RGPD2: variants seen among roughly 807,000 people sequenced by gnomAD.
The protein encoded by RGPD2 is RANBP2 like and GRIP domain containing 2.
A neutral mutation model predicts 36.0 loss-of-function variants in RGPD2; 2 were observed. The ratio of observed to expected loss-of-function variants is 0.06; its 90% CI spans 0.02 to 0.17. RGPD2 has a LOEUF of 0.17. Ranked by LOEUF, RGPD2 falls within the 10% of genes least tolerant of loss-of-function variation. The pLI, the probability that RGPD2 is intolerant of heterozygous loss-of-function variation, is 1.00. For missense variants in RGPD2, 40 were observed against 464.3 expected, an observed-to-expected ratio of 0.09 and a Z score of 8.40; for synonymous variants, 19 against 163.8, an observed-to-expected ratio of 0.12 and a Z score of 6.75.
At chr2:87,882,463 T>C in the RGPD2 span, among the ~76,000 whole-genome samples, 3 of 152,378 alleles carry the variant, frequency 2.0e-5, no homozygotes, top group East Asian at 5.8e-4. Context: ...AACGTGTCTA[T>C]TTTTAGGCCA....
the RGPD2 span, among the ~76,000 whole-genome samples, chr2:87,881,265 C>G: frequency 1.3e-5 from 2 of 151,974 alleles, no homozygotes; most frequent in African/African-American, 2.4e-5. Context: ...ATCTACCACT[C>G]TGGGGGCCTG....
the RGPD2 span, among the ~76,000 whole-genome samples, chr2:87,961,762 G>A: frequency 1.4e-5 from 2 of 147,966 alleles, no homozygotes; most frequent in African/African-American, 2.5e-5. Context: ...AACACTTAGA[G>A]GAAAAGTCAG....
chr2:87,847,139 C>T, the RGPD2 span, among the ~76,000 whole-genome samples: 83 of 152,186 alleles, frequency 5.5e-4, no homozygotes, highest in Non-Finnish European at 9.0e-4. Flanking sequence ...TCCAGATTAC[C>T]ATTGATTTTA....
At chr2:87,911,599 A>T in the RGPD2 span, among the ~76,000 whole-genome samples, 9 of 151,900 alleles carry the variant, frequency 5.9e-5, no homozygotes, top group African/African-American at 2.2e-4. Context: ...TGTACTATTG[A>T]TTAGGAAATA....
chr2:87,905,166 C>T, the RGPD2 span, among the ~76,000 whole-genome samples: 2 of 152,138 alleles, frequency 1.3e-5, no homozygotes, highest in African/African-American at 4.8e-5. Flanking sequence ...TGAACTTCAG[C>T]AACATATATC....
At chr2:87,885,176 T>A in the RGPD2 span, among the ~76,000 whole-genome samples, 93 of 152,176 alleles carry the variant, frequency 6.1e-4, no homozygotes, top group African/African-American at 2.2e-3. Flanking sequence ...GATTTATCCC[T>A]GGGATGCAAG....
chr2:87,839,851 C>G, the RGPD2 span, among the ~76,000 whole-genome samples: 2 of 151,580 alleles, frequency 1.3e-5, no homozygotes, highest in Non-Finnish European at 1.5e-5. Flanking sequence ...ATAAAATGAT[C>G]TATACACCAA....
chr2:87,858,149 G>A, the RGPD2 span, among the ~76,000 whole-genome samples: 103 of 152,200 alleles, frequency 6.8e-4, no homozygotes, highest in South Asian at 1.2e-3. Flanking sequence ...ATGGTGGTGC[G>A]TGCCTGTAAT....
chr2:87,936,377 T>C, the RGPD2 span, among the ~76,000 whole-genome samples: 1 of 145,660 alleles, frequency 6.9e-6, no homozygotes, highest in Admixed American at 6.9e-5. Flanking sequence ...TTCTTAGAGA[T>C]TCCCAGTGTG....
chr2:87,967,298 C>T, the RGPD2 span, among the ~76,000 whole-genome samples: 6 of 148,492 alleles, frequency 4.0e-5, no homozygotes, highest in Non-Finnish European at 5.9e-5. Flanking sequence ...GTCCTAGCTA[C>T]GTGGGAGGCT....
the RGPD2 span, among the ~76,000 whole-genome samples, chr2:87,959,427 A>G: frequency 2.1e-5 from 1 of 46,544 alleles, no homozygotes; most frequent in Middle Eastern, 5.2e-3. Context: ...TGTCAGGACC[A>G]TTTGTAGTTG....
the RGPD2 span, among the ~76,000 whole-genome samples, chr2:87,906,840 G>A: frequency 1.4e-4 from 21 of 147,796 alleles, no homozygotes; most frequent in South Asian, 4.2e-3. Context: ...GAGCACCTGA[G>A]CCCAGAGAGG....
intron 6 of RGPD2, among the ~76,000 whole-genome samples, chr2:87,807,286 C>A (rs2674170): frequency 6.9e-6 from 1 of 144,736 alleles, no homozygotes; most frequent in Admixed American, 6.7e-5. Flanking sequence ...ATTAGACATA[C>A]CATTTCCAAA....
the RGPD2 span, among the ~76,000 whole-genome samples, chr2:87,945,248 T>C: frequency 1.5e-4 from 23 of 152,236 alleles, no homozygotes; most frequent in African/African-American, 4.8e-4. Context: ...TGCAATTATA[T>C]TTTTCCATTG....
At chr2:87,833,117 TAA>T in the RGPD2 span, among the ~76,000 whole-genome samples, 2 of 146,150 alleles carry the variant, frequency 1.4e-5, no homozygotes, top group African/African-American at 5.0e-5. Context: ...TGACTAAAAT[TAA>T]AAAGACAAAT....
the RGPD2 span, among the ~76,000 whole-genome samples, chr2:87,956,436 C>T: frequency 5.4e-5 from 8 of 148,140 alleles, no homozygotes; most frequent in South Asian, 1.5e-3. Flanking sequence ...CACGCACGTG[C>T]GTGTGTGTCT....
the RGPD2 span, among the ~76,000 whole-genome samples, chr2:87,920,466 G>A: frequency 6.8e-6 from 1 of 147,068 alleles, no homozygotes; most frequent in East Asian, 2.0e-4. Flanking sequence ...CGTCTCTGCT[G>A]GAAATTACCT....
chr2:87,923,197 C>T, the RGPD2 span, among the ~76,000 whole-genome samples: 6 of 152,022 alleles, frequency 3.9e-5, no homozygotes, highest in Non-Finnish European at 7.4e-5. Flanking sequence ...AATGTGTTTT[C>T]TTCAAATTTC....
chr2:87,781,931 TTAAC>T (rs1263188877), intron 20 of RGPD2, among the ~76,000 whole-genome samples, 189 bp downstream of exon 20: 3 of 92,694 alleles, frequency 3.2e-5, no homozygotes, highest in Admixed American at 1.4e-4. Flanking sequence ...TGAAATGTCT[TTAAC>T]TAAGTTCTCT....
Sources: gnomAD v4.1 joint callset for allele counts (sites outside exome capture counted in the v4.1 genomes callset) on GRCh38, gnomAD v4.1.1 for gene constraint, MANE v1.5 for transcripts, NCBI Gene and HGNC (gene_info 2026-07-23, HGNC 2026-07-21) for gene names.